Variants in GLCCI1 observed in about 807,000 individuals in gnomAD.
GLCCI1 encodes glucocorticoid-induced transcript 1 protein.
Under a neutral mutation model 52.2 loss-of-function variants are expected in GLCCI1, and 24 were observed. The observed-to-expected ratio is 0.46, with a 90% CI of 0.33 to 0.65. The LOEUF (loss-of-function observed/expected upper bound fraction) is 0.65, where lower values mean the gene tolerates loss of function less well. Among genes scored for constraint, GLCCI1 ranks in the 30% least tolerant of loss-of-function variants. The pLI, the probability that GLCCI1 is intolerant of heterozygous loss-of-function variation, is 0.02. For missense variants in GLCCI1, 704 were observed against 701.5 expected, an observed-to-expected ratio of 1.00 and a Z score of -0.04; for synonymous variants, 310 against 276.5, an observed-to-expected ratio of 1.12 and a Z score of -1.20.
chr7:8,071,178 C>T, intron 6 of GLCCI1, 47 bp downstream of exon 6: 8 of 1,410,916 alleles, frequency 5.7e-6, no homozygotes, highest in South Asian at 1.2e-5. Context: ...GGGCCTTGCT[C>T]ATTATACCTT....
At chr7:7,978,760 G>T (rs189994131) in intron 1 of GLCCI1, among the ~76,000 whole-genome samples, 13 of 152,092 alleles carry the variant, frequency 8.5e-5, no homozygotes, top group Admixed American at 8.5e-4. Context: ...TGTAATGCTG[G>T]TATCTTAGAA....
intron 1 of GLCCI1, among the ~76,000 whole-genome samples, chr7:8,000,239 T>A (rs1222690768): frequency 1.3e-5 from 2 of 152,196 alleles, no homozygotes; most frequent in African/African-American, 4.8e-5. Flanking sequence ...ATAAATCAGA[T>A]AATGGGAGAT....
chr7:8,066,202 G>C (rs993811245), intron 5 of GLCCI1, among the ~76,000 whole-genome samples: 2 of 152,088 alleles, frequency 1.3e-5, no homozygotes, highest in African/African-American at 4.8e-5. Context: ...GTTCATAGTA[G>C]TCTCTGAGGG....
At chr7:8,026,901 C>G (rs1273918676) in intron 3 of GLCCI1, among the ~76,000 whole-genome samples, 1 of 152,176 alleles carries the variant, frequency 6.6e-6, no homozygotes, top group African/African-American at 2.4e-5. Flanking sequence ...TCTCCCAGAT[C>G]TTTTTCAAGA....
chr7:8,013,431 A>T (rs1013355524), intron 2 of GLCCI1, among the ~76,000 whole-genome samples: 8 of 152,198 alleles, frequency 5.3e-5, no homozygotes, highest in African/African-American at 1.9e-4. Flanking sequence ...GCTATACTAT[A>T]TACCATTAAT....
At chr7:8,066,647 C>T (rs1360780675) in intron 5 of GLCCI1, among the ~76,000 whole-genome samples, 1 of 151,422 alleles carries the variant, frequency 6.6e-6, no homozygotes, top group Non-Finnish European at 1.5e-5. Context: ...TACGCAAATG[C>T]CATTCAGGAG....
At chr7:8,029,527 C>T (rs11772799) in intron 3 of GLCCI1, among the ~76,000 whole-genome samples, 1,558 of 152,170 alleles carry the variant, frequency 0.01, 16 homozygotes, top group Non-Finnish European at 0.015. Context: ...TCACTTTCAC[C>T]AGTGTTATTC....
intron 5 of GLCCI1, among the ~76,000 whole-genome samples, chr7:8,060,898 CTT>C (rs1782500283): frequency 1.3e-5 from 2 of 152,166 alleles, no homozygotes; most frequent in African/African-American, 4.8e-5. Flanking sequence ...CTGCCAGACT[CTT>C]TTCCAAAGTG....
chr7:8,004,301 C>CA, intron 2 of GLCCI1: 1 of 313,788 alleles, frequency 3.2e-6, no homozygotes, highest in Non-Finnish European at 5.8e-6. Flanking sequence ...TGGTTGTAGA[C>CA]ACGTTGTAAT....
intron 3 of GLCCI1, among the ~76,000 whole-genome samples, chr7:8,040,577 A>G (rs1781976428): frequency 6.6e-6 from 1 of 151,036 alleles, no homozygotes; most frequent in Admixed American, 6.6e-5. Flanking sequence ...ACTATTTAAA[A>G]GACGGATTAA....
intron 1 of GLCCI1, among the ~76,000 whole-genome samples, chr7:8,001,406 T>C (rs1183825689): frequency 6.6e-6 from 1 of 152,180 alleles, no homozygotes; most frequent in Non-Finnish European, 1.5e-5. Flanking sequence ...CACAATGAGA[T>C]ACTATCTCAC....
chr7:8,018,995 T>G (rs1379686296), intron 2 of GLCCI1, among the ~76,000 whole-genome samples: 3 of 152,224 alleles, frequency 2.0e-5, no homozygotes, highest in Admixed American at 6.5e-5. Flanking sequence ...TTTTCCTGAT[T>G]GAAATGGTAA....
At chr7:8,005,170 GAC>G (rs1781123040) in intron 2 of GLCCI1, among the ~76,000 whole-genome samples, 1 of 151,958 alleles carries the variant, frequency 6.6e-6, no homozygotes, top group Non-Finnish European at 1.5e-5. Flanking sequence ...TAGAGATCTG[GAC>G]ACAGATAATT....
intron 6 of GLCCI1, among the ~76,000 whole-genome samples, chr7:8,077,111 G>C (rs1181882839): frequency 6.6e-6 from 1 of 152,170 alleles, no homozygotes; most frequent in Non-Finnish European, 1.5e-5. Context: ...TGCTAAAACT[G>C]TCTCATCTTC....
intron 3 of GLCCI1, among the ~76,000 whole-genome samples, chr7:8,041,309 A>G (rs1335590012): frequency 6.6e-6 from 1 of 152,194 alleles, no homozygotes; most frequent in African/African-American, 2.4e-5. Flanking sequence ...GCAGAAGTAA[A>G]GTTTGAAGCC....
chr7:8,015,929 T>A (rs1673754143), intron 2 of GLCCI1, among the ~76,000 whole-genome samples: 1 of 152,212 alleles, frequency 6.6e-6, no homozygotes, highest in Non-Finnish European at 1.5e-5. Flanking sequence ...TTAACCTGTT[T>A]TTCTTCATTG....
chr7:7,987,475 G>A (rs927310803), intron 1 of GLCCI1, among the ~76,000 whole-genome samples: 1 of 152,120 alleles, frequency 6.6e-6, no homozygotes, highest in Non-Finnish European at 1.5e-5. Flanking sequence ...AGGAATTCTG[G>A]ACTGTTCAGG....
chr7:8,011,790 C>CTTG (rs144020176), intron 2 of GLCCI1, among the ~76,000 whole-genome samples: 41 of 150,502 alleles, frequency 2.7e-4, no homozygotes, highest in East Asian at 5.9e-4. Flanking sequence ...GTTGTTTTTT[C>CTTG]TTGTTGTTGT....
chr7:8,059,852 T>C (rs1386122063), intron 4 of GLCCI1, among the ~76,000 whole-genome samples: 1 of 152,216 alleles, frequency 6.6e-6, no homozygotes, highest in East Asian at 1.9e-4. Context: ...AGTATATACA[T>C]TATACAGGTA....
Sources: allele counts gnomAD v4.1 joint callset (sites outside exome capture counted in the v4.1 genomes callset), GRCh38; gene constraint gnomAD v4.1.1; transcripts MANE v1.5; gene names NCBI Gene and HGNC (gene_info 2026-07-23, HGNC 2026-07-21).